The following INSL6 variants were observed in gnomAD, a reference collection of about 807,000 sequenced individuals.
The protein encoded by INSL6 is insulin like 6.
A neutral mutation model predicts 9.4 loss-of-function variants in INSL6; 16 were observed. That is an observed-to-expected ratio of 1.70 (90% CI 1.15 to 2.59). INSL6 has a LOEUF of 2.59. Ranked by LOEUF, INSL6 falls within the 30% of genes most tolerant of loss-of-function variation. INSL6 has a pLI of 0.00. For synonymous variants in INSL6, 154 were observed against 96.9 expected, an observed-to-expected ratio of 1.59 and a Z score of -3.46; for missense variants, 391 against 257.3, an observed-to-expected ratio of 1.52 and a Z score of -3.56.
the INSL6 span, among the ~76,000 whole-genome samples, chr9:4,996,057 A>T: frequency 6.6e-6 from 1 of 152,226 alleles, no homozygotes; most frequent in African/African-American, 2.4e-5. Context: ...GTCATTTGAG[A>T]TTGGAACCAT....
At chr9:5,122,600 C>T (rs1564026626), downstream of INSL6, among the ~76,000 whole-genome samples, 1 of 151,998 alleles carries the variant, frequency 6.6e-6, no homozygotes, top group African/African-American at 2.4e-5. Context: ...CCCAGGTTGA[C>T]GATTTGCTAG....
chr9:5,165,230 T>A (rs115496211), intron 1 of INSL6, among the ~76,000 whole-genome samples: 1 of 152,096 alleles, frequency 6.6e-6, no homozygotes, highest in Non-Finnish European at 1.5e-5. Context: ...AAAAAAAGAA[T>A]AGTGCTGCTA....
chr9:5,137,910 A>G (rs1462735218), intron 2 of INSL6, among the ~76,000 whole-genome samples: 2 of 150,300 alleles, frequency 1.3e-5, no homozygotes, highest in African/African-American at 4.9e-5. Flanking sequence ...ACCCATAAAA[A>G]AGTAGGTGAA....
chr9:5,090,263 C>T, the INSL6 span, among the ~76,000 whole-genome samples: 1 of 152,148 alleles, frequency 6.6e-6, no homozygotes, highest in Non-Finnish European at 1.5e-5. Context: ...AGCTTTTATT[C>T]ATTCAAAAGT....
chr9:5,068,820 T>C, the INSL6 span, among the ~76,000 whole-genome samples: 1 of 152,202 alleles, frequency 6.6e-6, no homozygotes, highest in Non-Finnish European at 1.5e-5. Flanking sequence ...AAATCAACTT[T>C]TAAACCACTT....
the INSL6 span, chr9:5,085,880 T>A: frequency 3.8e-6 from 3 of 797,884 alleles, no homozygotes; most frequent in Admixed American, 3.4e-5. Context: ...GTTCTGTTGT[T>A]GATATGAGCG....
the INSL6 span, chr9:5,044,555 A>G: frequency 4.0e-6 from 5 of 1,237,194 alleles, no homozygotes; most frequent in Non-Finnish European, 5.8e-6. Context: ...ACATGAGTTA[A>G]ATGATAAATA....
chr9:5,045,302 G>T, the INSL6 span, among the ~76,000 whole-genome samples: 1 of 152,064 alleles, frequency 6.6e-6, no homozygotes, highest in East Asian at 1.9e-4. Context: ...CTCATGGCTC[G>T]CATTTCTGAG....
At chr9:5,140,493 TATG>T (rs1824475608) in intron 2 of INSL6, among the ~76,000 whole-genome samples, 1 of 152,178 alleles carries the variant, frequency 6.6e-6, no homozygotes, top group African/African-American at 2.4e-5. Flanking sequence ...TTGTGATTAT[TATG>T]ATAACCTTCT....
At chr9:5,055,680 A>T in the INSL6 span, 5 of 1,574,358 alleles carry the variant, frequency 3.2e-6, no homozygotes, top group Non-Finnish European at 4.4e-6. Flanking sequence ...ATTTACAGTT[A>T]TATTGCGATT....
chr9:5,089,661 A>G, the INSL6 span: 32 of 1,295,340 alleles, frequency 2.5e-5, no homozygotes, highest in Non-Finnish European at 2.2e-5. Context: ...TCCTAATGTG[A>G]TGTGTCATTT....
At chr9:5,054,807 A>G in the INSL6 span, 30 of 1,613,042 alleles carry the variant, frequency 1.9e-5, no homozygotes, top group Non-Finnish European at 2.5e-5. The surrounding 1 kb of genome is among the most constrained non-coding windows in gnomAD (Gnocchi z 4.9). Flanking sequence ...GATTTTTGCA[A>G]CCATTATAAT....
At chr9:5,173,592 C>A (rs1040824320) in intron 1 of INSL6, among the ~76,000 whole-genome samples, 71 of 151,794 alleles carry the variant, frequency 4.7e-4, no homozygotes, top group African/African-American at 1.7e-3. Flanking sequence ...GCAAAAAACA[C>A]ACAATGGGGC....
chr9:5,061,959 G>C, the INSL6 span, among the ~76,000 whole-genome samples: 1 of 152,174 alleles, frequency 6.6e-6, no homozygotes, highest in African/African-American at 2.4e-5. Context: ...AGGGAGGCCT[G>C]AGGAGAGGGA....
intron 3 of INSL6, among the ~76,000 whole-genome samples, chr9:5,130,767 C>T (rs190787827): frequency 0.014 from 2,152 of 148,732 alleles, 47 homozygotes; most frequent in African/African-American, 0.05. Context: ...CTCGCTCTGT[C>T]GCCCAGCCTG....
In INSL6 at chr9:5,164,156, T is replaced by TG. The variant is rs752458449; in HGVS notation, c.398dup (p.Ser134IlefsTer3). 140 of 1,607,648 alleles carry TG rather than the reference T, an allele frequency of 8.7e-5. No homozygotes were observed. Among genetic ancestry groups the TG allele is most frequent in the Non-Finnish European group, 1.1e-4 (134 of 1,177,196 alleles). On this transcript the variant is annotated frameshift_variant, in exon 2 of 2. Coordinates refer to ENST00000381641, the MANE Select transcript of INSL6 (RefSeq NM_007179.3). LOFTEE classifies it low-confidence loss of function (END_TRUNC). ...GAATATATACATTGATATTATGTGA[T>TG]GAAGAAAATTCTCTTGTCTTACCAA...
At chr9:5,158,300 T>C (rs1824859398) in intron 2 of INSL6, among the ~76,000 whole-genome samples, 1 of 152,052 alleles carries the variant, frequency 6.6e-6, no homozygotes, top group African/African-American at 2.4e-5. Context: ...ACAGAGAACT[T>C]CCCAAACCTA....
At chr9:5,157,385 T>G (rs992645410) in intron 2 of INSL6, among the ~76,000 whole-genome samples, 11 of 152,170 alleles carry the variant, frequency 7.2e-5, no homozygotes, top group Admixed American at 2.0e-4. Flanking sequence ...AGTATGGTAT[T>G]GGCATAATGA....
downstream of INSL6, among the ~76,000 whole-genome samples, chr9:5,120,790 C>T (rs1037174367): frequency 1.2e-4 from 18 of 152,122 alleles, no homozygotes; most frequent in Admixed American, 1.0e-3. Context: ...TCATTAGACA[C>T]TGGAGTGAAA....
Sources: gnomAD v4.1 joint callset for allele counts (sites outside exome capture counted in the v4.1 genomes callset) on GRCh38, gnomAD v4.1.1 for gene constraint, Gnocchi (gnomAD v3.1) non-coding constraint, MANE v1.5 for transcripts, NCBI Gene and HGNC (gene_info 2026-07-23, HGNC 2026-07-21) for gene names.